Variants in ALK observed in about 807,000 individuals in gnomAD.
ALK encodes ALK tyrosine kinase receptor.
In ALK, 74 loss-of-function variants were observed where a neutral mutation model predicts 163.1. The observed-to-expected ratio is 0.45, with a 90% CI of 0.38 to 0.55. ALK has a LOEUF of 0.55. Ranked by LOEUF, ALK falls within the 20% of genes least tolerant of loss-of-function variation. The probability of loss-of-function intolerance (pLI) is 0.00; values close to 1 mark genes in which losing one functional copy is unlikely to be tolerated. For synonymous variants in ALK, 960 were observed against 843.2 expected, an observed-to-expected ratio of 1.14 and a Z score of -2.40; for missense variants, 2,063 against 2,105.3, an observed-to-expected ratio of 0.98 and a Z score of 0.39.
chr2:29,258,067 G>A (rs1010678129), intron 11 of ALK, among the ~76,000 whole-genome samples: 1 of 152,120 alleles, frequency 6.6e-6, no homozygotes, highest in African/African-American at 2.4e-5. Flanking sequence ...TTGAACTCAT[G>A]GGCTCAAGTG....
chr2:29,797,823 T>A lies in ALK; in HGVS notation c.668-80126A>T, dbSNP rs980010289. Among the ~76,000 whole-genome samples, 35 of 152,104 alleles carry A rather than the reference T, an allele frequency of 2.3e-4. 1 individual carries two copies. Among genetic ancestry groups the A allele is most frequent in the Admixed American group, 3.3e-4 (5 of 15,280 alleles). ...AGCAGATAAATAGGATTTTTTTTTT[T>A]ACTTTCACCAAAGCACTATACCTGT... On this transcript the variant is annotated intron_variant, in intron 1 of 28. Coordinates refer to ENST00000389048, the MANE Select transcript of ALK (RefSeq NM_004304.5).
intron 1 of ALK, among the ~76,000 whole-genome samples, chr2:29,752,473 C>A (rs1354353144): frequency 1.3e-5 from 2 of 151,210 alleles, no homozygotes; most frequent in African/African-American, 4.9e-5. Flanking sequence ...CCTCAGCCTC[C>A]TGTGTAGCTG....
intron 4 of ALK, among the ~76,000 whole-genome samples, chr2:29,427,616 A>T (rs1670176247): frequency 6.6e-6 from 1 of 152,102 alleles, no homozygotes; most frequent in Non-Finnish European, 1.5e-5. Flanking sequence ...CTTAATAAAA[A>T]AAGAAAACAG....
chr2:29,905,509 T>C (rs1667520781), intron 1 of ALK, among the ~76,000 whole-genome samples: 1 of 141,700 alleles, frequency 7.1e-6, no homozygotes, highest in Non-Finnish European at 1.5e-5. Context: ...ATTAATACTA[T>C]GAAAGAAAGA....
At chr2:29,803,806 C>A (rs1664543053) in intron 1 of ALK, among the ~76,000 whole-genome samples, 1 of 152,072 alleles carries the variant, frequency 6.6e-6, no homozygotes, top group Non-Finnish European at 1.5e-5. Flanking sequence ...AAGCCCAAAC[C>A]CTTTGGTGCG....
intron 4 of ALK, among the ~76,000 whole-genome samples, chr2:29,530,776 C>A (rs1037972188): frequency 6.6e-6 from 1 of 152,180 alleles, no homozygotes; most frequent in Admixed American, 6.5e-5. Context: ...GTGAATAGAG[C>A]AAGAGTCCTT....
At chr2:29,918,353 C>G (rs1667891280) in intron 1 of ALK, among the ~76,000 whole-genome samples, 1 of 152,210 alleles carries the variant, frequency 6.6e-6, no homozygotes, top group Admixed American at 6.5e-5. Context: ...ATATCCATTA[C>G]TAAAACACTG....
intron 8 of ALK, among the ~76,000 whole-genome samples, chr2:29,302,997 T>C (rs1346530824): frequency 1.3e-5 from 2 of 151,982 alleles, no homozygotes; most frequent in Non-Finnish European, 2.9e-5. Context: ...TAAAAGCAAA[T>C]GCAACAAAAA....
At chr2:29,594,873 C>G (rs1262383494) in intron 3 of ALK, among the ~76,000 whole-genome samples, 1 of 109,790 alleles carries the variant, frequency 9.1e-6, no homozygotes, top group Non-Finnish European at 1.6e-5. Flanking sequence ...AAGCTGAGAC[C>G]TCTATTTTTC....
At chr2:29,819,248 G>GT (rs371290642) in intron 1 of ALK, among the ~76,000 whole-genome samples, 6 of 152,142 alleles carry the variant, frequency 3.9e-5, no homozygotes, top group Non-Finnish European at 5.9e-5. Context: ...TTTTATTCCT[G>GT]TTTTTTTCAT....
rs186052762 is a variant in ALK at position 29,855,305 on chromosome 2, A to G, written c.667+64688T>C. ...AAGGCTCTTAGGTTAAGAGACTTAC[A>G]TCTGAGTCAGAATGAATCTTGGGCC... On this transcript the variant is annotated intron_variant, in intron 1 of 28. Transcript: ENST00000389048. 2.2e-4 allele frequency among the ~76,000 whole-genome samples: 34 copies of G among 152,294 alleles called. No individual in the cohort carries two copies. The East Asian group carries it at 6.2e-3, about 28-fold the overall frequency.
intron 1 of ALK, among the ~76,000 whole-genome samples, chr2:29,840,850 A>G (rs1185738822): frequency 6.6e-6 from 1 of 152,190 alleles, no homozygotes; most frequent in African/African-American, 2.4e-5. Context: ...GATTATCCCA[A>G]TTTTACAGAT....
chr2:29,590,065 T>A (rs1447787318), intron 3 of ALK, among the ~76,000 whole-genome samples: 1 of 152,248 alleles, frequency 6.6e-6, no homozygotes, highest in South Asian at 2.1e-4. Context: ...AAAGCTAGTT[T>A]GTCTGGCTTG....
chr2:29,858,837 G>C (rs539820154), intron 1 of ALK, among the ~76,000 whole-genome samples: 4 of 152,062 alleles, frequency 2.6e-5, no homozygotes, highest in Non-Finnish European at 5.9e-5. Flanking sequence ...TCAGGAATTC[G>C]AGACCAGCCT....
At chr2:29,506,299 T>G (rs1341600738) in intron 4 of ALK, among the ~76,000 whole-genome samples, 1 of 152,220 alleles carries the variant, frequency 6.6e-6, no homozygotes, top group Non-Finnish European at 1.5e-5. Flanking sequence ...CAAATACCAA[T>G]TGCTTTTTAC....
At chr2:29,757,845 T>G (rs977576662) in intron 1 of ALK, among the ~76,000 whole-genome samples, 2 of 152,068 alleles carry the variant, frequency 1.3e-5, no homozygotes, top group East Asian at 3.9e-4. Context: ...GTAAGAATCA[T>G]TCTTAGCCAC....
At chr2:29,864,772 G>A (rs188686875) in intron 1 of ALK, among the ~76,000 whole-genome samples, 65 of 152,332 alleles carry the variant, frequency 4.3e-4, no homozygotes, top group Non-Finnish European at 7.9e-4. Context: ...AGAACCTCCA[G>A]TCCCAGGGTG....
intron 4 of ALK, among the ~76,000 whole-genome samples, chr2:29,511,626 C>T (rs1015280827): frequency 3.9e-5 from 6 of 152,232 alleles, no homozygotes; most frequent in East Asian, 3.9e-4. Flanking sequence ...TGGGGACATA[C>T]GTTTTCATCC....
chr2:29,436,018 C>T (rs1670386826), intron 4 of ALK, among the ~76,000 whole-genome samples: 1 of 151,960 alleles, frequency 6.6e-6, no homozygotes, highest in African/African-American at 2.4e-5. Context: ...TATTATAAAA[C>T]CATTGGGAAG....
Sources: gnomAD v4.1 joint callset for allele counts (sites outside exome capture counted in the v4.1 genomes callset) on GRCh38, gnomAD v4.1.1 for gene constraint, MANE v1.5 for transcripts, NCBI Gene and HGNC (gene_info 2026-07-23, HGNC 2026-07-21) for gene names.